Variants in AQR observed in about 807,000 individuals in gnomAD.
AQR encodes aquarius intron-binding spliceosomal factor.
A neutral mutation model predicts 180.5 loss-of-function variants in AQR; 61 were observed. That is an observed-to-expected ratio of 0.34 (90% CI 0.28 to 0.42). The LOEUF is 0.42. AQR is among the 10% of genes least tolerant of loss of function. The probability of loss-of-function intolerance (pLI) is 1.00; values close to 1 mark genes in which losing one functional copy is unlikely to be tolerated. For missense variants in AQR, 1,281 were observed against 1,798.3 expected (o/e 0.71, Z 5.20); for synonymous variants, 551 against 588.8 (o/e 0.94, Z 0.93).
At chr15:34,954,916 G>C (rs2140504930) in intron 3 of AQR, among the ~76,000 whole-genome samples, 1 of 152,112 alleles carries the variant, frequency 6.6e-6, no homozygotes, top group East Asian at 1.9e-4. Context: ...TGAGCTCAGG[G>C]GTTCGAGACC....
In AQR at chr15:34,938,730, A is replaced by ACGAT; in HGVS notation, c.718+6_718+7insATCG. ...TTCACAAATGCACTGAGTAAAAAAG[A>ACGAT]AGATACCAGAAAGTGGGACTGATTT... On this transcript the variant is annotated splice_region_variant and intron_variant, in intron 9 of 34. Coordinates refer to ENST00000156471, the MANE Select transcript of AQR (RefSeq NM_014691.3). The ACGAT allele has an allele frequency of 7.2e-7, 1 of 1,388,154 alleles. No homozygotes were observed. The highest frequency in any genetic ancestry group is 9.7e-7 in the Non-Finnish European group (1 of 1,026,648). The allele number at this position is 1,388,154 out of a possible 1,614,324, so 86.0% of individuals were successfully genotyped here.
rs1232547352 is a variant in AQR, at chr15:34,925,001, C to T, written c.1118+2034G>A. 2.7e-5 allele frequency among the ~76,000 whole-genome samples: 4 copies of T among 149,080 alleles called. No homozygotes were observed. The East Asian group carries it at 5.8e-4, about 22-fold the overall frequency. ...AACCTTAGGGTGAGAAGGACTTCTA[C>T]ATAAAGCATCTAATATAGTTATTAA... On this transcript the variant is annotated intron_variant, in intron 13 of 34. Transcript: ENST00000156471.
intron 12 of AQR, 73 bp downstream of exon 12, chr15:34,930,185 C>A: frequency 2.4e-6 from 2 of 839,296 alleles, no homozygotes; most frequent in Non-Finnish European, 3.8e-6. Context: ...TCAATCTGTA[C>A]CTATACAAAA....
chr15:34,969,399 C>G, intron 1 of AQR, 140 bp downstream of exon 1: 2 of 897,248 alleles, frequency 2.2e-6, no homozygotes, highest in Non-Finnish European at 3.5e-6. Flanking sequence ...AGCTGATACT[C>G]AGTAAAAAGA....
At chr15:34,869,008 T>C (rs1892777845) in intron 31 of AQR, 1 of 152,194 alleles carries the variant, frequency 6.6e-6, no homozygotes, top group Non-Finnish European at 1.5e-5. Flanking sequence ...TGAATAAATA[T>C]GCAGGAGTGA....
At chr15:34,968,011 C>T (rs1218898467) in intron 1 of AQR, among the ~76,000 whole-genome samples, 1 of 151,962 alleles carries the variant, frequency 6.6e-6, no homozygotes, top group African/African-American at 2.4e-5. Flanking sequence ...CAGGGTTTCT[C>T]CATGTTGGTC....
At chr15:34,860,657 A>C (rs1395336486) in intron 33 of AQR, among the ~76,000 whole-genome samples, 1 of 152,248 alleles carries the variant, frequency 6.6e-6, no homozygotes, top group Non-Finnish European at 1.5e-5. Flanking sequence ...ACAGTTCTTA[A>C]GATAATTCAG....
chr15:34,873,690 C>T (rs372820844), intron 30 of AQR, 138 bp downstream of exon 30: 10 of 601,536 alleles, frequency 1.7e-5, no homozygotes, highest in African/African-American at 7.5e-5. Flanking sequence ...AATCTGAAAT[C>T]GATTTTTCAT....
intron 4 of AQR, among the ~76,000 whole-genome samples, chr15:34,948,875 T>C (rs971762174): frequency 2.2e-4 from 33 of 151,900 alleles, no homozygotes; most frequent in Admixed American, 1.3e-4. Flanking sequence ...CAAATTTATA[T>C]ATAGAAAATA....
rs766940899 is a variant in AQR, at chr15:34,899,063, C to T, written c.2244-1358G>A. On this transcript the variant is annotated intron_variant, in intron 20 of 34. Transcript: ENST00000156471. ...CGGGCGCCTGCAGTCCCAGCTACTCCGGAGGCTGAGGCAGGAGACTGACGT... is the reference window on the plus strand; with the variant it reads ...CGGGCGCCTGCAGTCCCAGCTACTCTGGAGGCTGAGGCAGGAGACTGACGT... 1.4e-3 allele frequency among the ~76,000 whole-genome samples: 186 copies of T among 137,016 alleles called. 1 individual carries two copies. The highest frequency in any genetic ancestry group is 4.0e-4 in the Non-Finnish European group (25 of 63,078). 89.9% of individuals were successfully genotyped at this position (137,016 alleles called of 152,430 possible). A position where few individuals can be genotyped will look rare whatever the true frequency, so the allele number is the denominator to read the frequency against.
intron 22 of AQR, among the ~76,000 whole-genome samples, chr15:34,895,941 TC>T (rs1211035051): frequency 6.6e-6 from 1 of 152,120 alleles, no homozygotes; most frequent in African/African-American, 2.4e-5. Flanking sequence ...CCAAGAGAGA[TC>T]ATATGCTGGG....
At chr15:34,875,715 T>G (rs1466572103) in intron 28 of AQR, among the ~76,000 whole-genome samples, 1 of 152,166 alleles carries the variant, frequency 6.6e-6, no homozygotes, top group Non-Finnish European at 1.5e-5. Flanking sequence ...AAATAGACTA[T>G]GAAATTTTAA....
At chr15:34,872,849 G>C (rs1487668367) in intron 30 of AQR, among the ~76,000 whole-genome samples, 2 of 151,754 alleles carry the variant, frequency 1.3e-5, no homozygotes, top group African/African-American at 2.4e-5. Context: ...TAAAGAGAGA[G>C]AGAAAAAAAG....
intron 30 of AQR, 105 bp from the exon 31 acceptor site, chr15:34,871,027 G>C: frequency 9.2e-7 from 1 of 1,083,402 alleles, no homozygotes. Context: ...TTTGCACACT[G>C]CAAGAAGTGA....
At chr15:34,890,144 T>C in intron 24 of AQR, 71 bp downstream of exon 24, 1 of 1,346,470 alleles carries the variant, frequency 7.4e-7, no homozygotes, top group Non-Finnish European at 1.0e-6. Flanking sequence ...GCTTTCTTCT[T>C]CTTTAATAAA....
intron 1 of AQR, among the ~76,000 whole-genome samples, chr15:34,968,608 T>A (rs2050325834): frequency 6.6e-6 from 1 of 152,088 alleles, no homozygotes; most frequent in African/African-American, 2.4e-5. Flanking sequence ...TTTGCACTTG[T>A]ATGAAATCAC....
At chr15:34,951,532 G>A (rs1179786467) in intron 4 of AQR, among the ~76,000 whole-genome samples, 4 of 152,056 alleles carry the variant, frequency 2.6e-5, no homozygotes, top group African/African-American at 4.8e-5. Context: ...TTAGCCAGGC[G>A]TGATGGCGCA....
At chr15:34,947,058 T>C (rs1168619454) in intron 5 of AQR, among the ~76,000 whole-genome samples, 5 of 152,282 alleles carry the variant, frequency 3.3e-5, no homozygotes, top group Middle Eastern at 3.4e-3. Context: ...GGCGGTTTTG[T>C]AGAATAGAAA....
At chr15:34,946,675 G>A (rs1894126221) in intron 5 of AQR, among the ~76,000 whole-genome samples, 1 of 134,844 alleles carries the variant, frequency 7.4e-6, no homozygotes, top group East Asian at 2.5e-4. Context: ...GAGCCCCTCT[G>A]CCCGGCCAGC....
Sources: allele counts gnomAD v4.1 joint callset (sites outside exome capture counted in the v4.1 genomes callset), GRCh38; gene constraint gnomAD v4.1.1; transcripts MANE v1.5; gene names NCBI Gene and HGNC (gene_info 2026-07-23, HGNC 2026-07-21).